The following SIK3 variants were observed in gnomAD, a reference collection of about 807,000 sequenced individuals.
The protein encoded by SIK3 is serine/threonine-protein kinase SIK3.
SIK3 carries 28 observed loss-of-function variants against 144.2 expected under a neutral mutation model. The ratio of observed to expected loss-of-function variants is 0.19; its 90% CI spans 0.14 to 0.27. The LOEUF is 0.27. SIK3 is among the 10% of genes least tolerant of loss of function. The probability of loss-of-function intolerance (pLI) is 1.00; values close to 1 mark genes in which losing one functional copy is unlikely to be tolerated. For synonymous variants in SIK3, 686 were observed against 676.3 expected (o/e 1.01, Z -0.22); for missense variants, 1,319 against 1,776.0 (o/e 0.74, Z 4.62).
intron 1 of SIK3, among the ~76,000 whole-genome samples, chr11:117,076,413 T>G (rs1165215117): frequency 1.3e-5 from 2 of 152,196 alleles, no homozygotes; most frequent in African/African-American, 4.8e-5. Flanking sequence ...TTATGTTAAT[T>G]TCTTCAATTT....
At chr11:116,982,206 C>T (rs544402023) in intron 1 of SIK3, among the ~76,000 whole-genome samples, 2 of 152,258 alleles carry the variant, frequency 1.3e-5, no homozygotes, top group South Asian at 4.1e-4. Context: ...CTACTTGTCT[C>T]TTGTCCCTCC....
chr11:116,944,153 TAGA>T (rs1948455381), intron 3 of SIK3, among the ~76,000 whole-genome samples: 1 of 152,132 alleles, frequency 6.6e-6, no homozygotes, highest in African/African-American at 2.4e-5. Context: ...TTGCGTTTAA[TAGA>T]AAAATATTTT....
intron 1 of SIK3, among the ~76,000 whole-genome samples, chr11:117,008,123 A>G (rs895336827): frequency 2.0e-5 from 3 of 151,422 alleles, no homozygotes; most frequent in Non-Finnish European, 2.9e-5. Context: ...GGAGTTAGAC[A>G]TATCAAAAGT....
intron 1 of SIK3, among the ~76,000 whole-genome samples, chr11:117,027,415 G>A (rs1952057324): frequency 6.9e-6 from 1 of 145,620 alleles, no homozygotes; most frequent in African/African-American, 2.5e-5. Context: ...AACTTTCAGG[G>A]AAGGCTGTTT....
chr11:116,956,915 T>C (rs1187361905), intron 2 of SIK3, 33 bp downstream of exon 2: 42 of 1,361,034 alleles, frequency 3.1e-5, no homozygotes, highest in Non-Finnish European at 4.1e-5. Context: ...TCTGGGTTCT[T>C]TGCAGCTATC....
intron 1 of SIK3, among the ~76,000 whole-genome samples, chr11:117,034,746 T>C (rs1389566389): frequency 6.6e-6 from 1 of 152,232 alleles, no homozygotes. Context: ...CAGAGTTACC[T>C]GGAATTATAC....
At chr11:117,024,600 A>C (rs1951933049) in intron 1 of SIK3, among the ~76,000 whole-genome samples, 1 of 152,118 alleles carries the variant, frequency 6.6e-6, no homozygotes, top group South Asian at 2.1e-4. Flanking sequence ...AGGCTGAAAA[A>C]TTCCTTAAAA....
Position 117,098,133 on chromosome 11 carries a change from G to T in SIK3, c.273+10C>A. On this transcript the variant is annotated intron_variant, in intron 1 of 24. Coordinates refer to ENST00000445177, the MANE Select transcript of SIK3 (RefSeq NM_001366686.3). ...ACGCTCCGACTGCCGCCTGGCCCCT[G>T]CGCCGGTACCTTGGCCTTGGTGACG... is the stretch of plus-strand genomic sequence containing the variant. The T allele has an allele frequency of 1.4e-6, 2 of 1,478,934 alleles. No individual in the cohort carries two copies. The highest frequency in any genetic ancestry group is 1.8e-6 in the Non-Finnish European group (2 of 1,112,650). 91.6% of individuals were successfully genotyped at this position (1,478,934 alleles called of 1,614,324 possible).
At chr11:117,052,149 G>GA (rs896401574) in intron 1 of SIK3, among the ~76,000 whole-genome samples, 1 of 151,746 alleles carries the variant, frequency 6.6e-6, no homozygotes, top group East Asian at 1.9e-4. Flanking sequence ...AAAAAAAAGA[G>GA]AAAAAAAGAA....
At chr11:117,050,065 C>T (rs906618358) in intron 1 of SIK3, among the ~76,000 whole-genome samples, 4 of 151,724 alleles carry the variant, frequency 2.6e-5, no homozygotes, top group South Asian at 2.1e-4. Context: ...CCAAGGCAGG[C>T]GGATCACCTG....
chr11:117,016,381 A>AAG (rs1186552030), intron 1 of SIK3, among the ~76,000 whole-genome samples: 1 of 89,326 alleles, frequency 1.1e-5, no homozygotes, highest in African/African-American at 5.7e-5. Flanking sequence ...AGAGGGAGGG[A>AAG]GAGAGGGAGG....
At chr11:117,081,515 T>G (rs1183189205) in intron 1 of SIK3, among the ~76,000 whole-genome samples, 1 of 152,122 alleles carries the variant, frequency 6.6e-6, no homozygotes, top group East Asian at 1.9e-4. Flanking sequence ...TCCCAGCTAC[T>G]CAGGAGGCTG....
chr11:117,057,126 A>T (rs183769216), intron 1 of SIK3, among the ~76,000 whole-genome samples: 1 of 152,342 alleles, frequency 6.6e-6, no homozygotes, highest in East Asian at 1.9e-4. Flanking sequence ...TTAAATTTTT[A>T]AAAAACTTAG....
Position 116,867,951 on chromosome 11 carries a change from C to T in SIK3, c.1947G>A (p.Gln649=), listed in dbSNP as rs1484848226. 8.4e-6 allele frequency: 13 copies of T among 1,541,122 alleles called. No individual in the cohort carries two copies. In the East Asian group the frequency reaches 3.2e-4, roughly 38 times the overall value. The stretch of plus-strand genomic sequence containing the variant: ...CAGCTCATGTGGCTACTCACCGATG[C>T]TGATCAGGTACCAGGTGAGGAGGCC... ...RVWPPHLVPD[Q]HRSTYKDSNT... The change falls in exon 15 of 25, where the codon CAG becomes CAA. Residue 649 remains glutamine, a synonymous_variant. Transcript: ENST00000445177. The surrounding 1 kb of genome is among the most constrained non-coding windows in gnomAD (Gnocchi z 4.1).
At chr11:116,905,651 G>A (rs571403615) in intron 4 of SIK3, among the ~76,000 whole-genome samples, 1 of 152,320 alleles carries the variant, frequency 6.6e-6, no homozygotes, top group South Asian at 2.1e-4. Context: ...TGTCAATTCA[G>A]CTGTCCCAGT....
intron 1 of SIK3, among the ~76,000 whole-genome samples, chr11:116,959,322 A>G (rs926885357): frequency 2.6e-5 from 4 of 151,698 alleles, no homozygotes; most frequent in East Asian, 3.9e-4. Flanking sequence ...GTCTCAAAAG[A>G]AAAAAAAAGA....
chr11:117,076,533 T>TC (rs1954545819), intron 1 of SIK3, among the ~76,000 whole-genome samples: 1 of 148,780 alleles, frequency 6.7e-6, no homozygotes, highest in African/African-American at 2.5e-5. Context: ...TAAACACAAT[T>TC]TTTTTTTTTT....
At chr11:117,013,948 G>T (rs1303492055) in intron 1 of SIK3, among the ~76,000 whole-genome samples, 3 of 49,916 alleles carry the variant, frequency 6.0e-5, no homozygotes, top group Non-Finnish European at 1.6e-4. Flanking sequence ...GTGTGTGTGT[G>T]TGTTTTATTT....
intron 3 of SIK3, among the ~76,000 whole-genome samples, chr11:116,934,842 G>A (rs1001823676): frequency 6.6e-6 from 1 of 152,178 alleles, no homozygotes; most frequent in Admixed American, 6.5e-5. Context: ...CACTTTGGGA[G>A]GCAGAGGTAG....
Sources: gnomAD v4.1 joint callset for allele counts (sites outside exome capture counted in the v4.1 genomes callset) on GRCh38, gnomAD v4.1.1 for gene constraint, Gnocchi (gnomAD v3.1) non-coding constraint, MANE v1.5 for transcripts, NCBI Gene and HGNC (gene_info 2026-07-23, HGNC 2026-07-21) for gene names.